Variants in LUZP2 observed in about 807,000 individuals in gnomAD.
The protein encoded by LUZP2 is leucine zipper protein 2.
In LUZP2, 52 loss-of-function variants were observed where a neutral mutation model predicts 51.6. The ratio of observed to expected loss-of-function variants is 1.01; its 90% CI spans 0.81 to 1.27. The LOEUF (loss-of-function observed/expected upper bound fraction) is 1.27. Among genes scored for constraint, LUZP2 ranks in the 50% most tolerant of loss-of-function variants. The pLI, the probability that LUZP2 is intolerant of heterozygous loss-of-function variation, is 0.00. For missense variants in LUZP2, 436 were observed against 395.4 expected (o/e 1.10, Z -0.87); for synonymous variants, 154 against 137.3 (o/e 1.12, Z -0.85).
intron 9 of LUZP2, among the ~76,000 whole-genome samples, chr11:25,024,247 T>A (rs1857420144): frequency 6.6e-6 from 1 of 152,142 alleles, no homozygotes. Flanking sequence ...AAGACAGGGA[T>A]GCCCTCTCTC....
At chr11:24,906,284 GA>G (rs1270289002) in intron 6 of LUZP2, among the ~76,000 whole-genome samples, 6 of 147,920 alleles carry the variant, frequency 4.1e-5, no homozygotes, top group African/African-American at 7.8e-5. Flanking sequence ...CACCTTTGTA[GA>G]TTTTTTTTTT....
chr11:25,076,669 G>A (rs1458703315), intron 10 of LUZP2, among the ~76,000 whole-genome samples: 1 of 149,540 alleles, frequency 6.7e-6, no homozygotes, highest in African/African-American at 2.5e-5. Context: ...GAGGGAAGGA[G>A]GGAGGGAGGG....
intron 5 of LUZP2, among the ~76,000 whole-genome samples, chr11:24,879,604 T>A (rs1852389390): frequency 6.6e-6 from 1 of 152,158 alleles, no homozygotes; most frequent in Admixed American, 6.6e-5. Flanking sequence ...TTTTAATAAT[T>A]GCCATTCTGA....
Position 24,733,858 on chromosome 11 carries a change from A to G in LUZP2, c.251+1670A>G, listed in dbSNP as rs1016880185. ...GAGAATAAACAAAAATAGAAAAACA[A>G]AAATTGATTTCTGCACAATACATGT... On this transcript the variant is annotated intron_variant, in intron 3 of 11. Coordinates refer to ENST00000336930, the MANE Select transcript of LUZP2 (RefSeq NM_001009909.4). Among the ~76,000 whole-genome samples the G allele has an allele frequency of 8.6e-5, 13 of 151,770 alleles. No homozygotes were observed. In the South Asian group the frequency reaches 2.5e-3, roughly 29 times the overall value.
At chr11:24,895,856 G>C (rs1853025382) in intron 5 of LUZP2, among the ~76,000 whole-genome samples, 1 of 152,194 alleles carries the variant, frequency 6.6e-6, no homozygotes, top group East Asian at 1.9e-4. Flanking sequence ...TCTTTGGGCA[G>C]TAATGGGATT....
At chr11:24,645,801 A>G (rs573635528) in intron 1 of LUZP2, among the ~76,000 whole-genome samples, 43 of 152,160 alleles carry the variant, frequency 2.8e-4, no homozygotes, top group Admixed American at 1.2e-3. Context: ...GACAGCTACA[A>G]AAAGTAAACT....
intron 1 of LUZP2, among the ~76,000 whole-genome samples, chr11:24,642,110 G>A (rs909158520): frequency 6.6e-6 from 1 of 151,628 alleles, no homozygotes; most frequent in Non-Finnish European, 1.5e-5. Context: ...GGATGGTCTC[G>A]ATCTCTTGAC....
chr11:25,010,502 CA>C (rs1191092105), intron 9 of LUZP2, among the ~76,000 whole-genome samples: 1 of 152,032 alleles, frequency 6.6e-6, no homozygotes, highest in Non-Finnish European at 1.5e-5. Context: ...GAGCCAAGAT[CA>C]CACCAATGCA....
chr11:24,547,805 C>A (rs1001466797), intron 1 of LUZP2, among the ~76,000 whole-genome samples: 5 of 152,042 alleles, frequency 3.3e-5, no homozygotes, highest in Non-Finnish European at 7.4e-5. Context: ...TAAATATTTG[C>A]AAACTATGCA....
chr11:24,883,738 T>A (rs1331497164), intron 5 of LUZP2, among the ~76,000 whole-genome samples: 3 of 152,012 alleles, frequency 2.0e-5, no homozygotes, highest in Non-Finnish European at 2.9e-5. Flanking sequence ...AATGAAACAG[T>A]TTTTAAAGTT....
chr11:24,588,463 G>T (rs2133836714), intron 1 of LUZP2, among the ~76,000 whole-genome samples: 1 of 152,184 alleles, frequency 6.6e-6, no homozygotes, highest in Admixed American at 6.6e-5. Flanking sequence ...TGATTGCAAA[G>T]AAATGTAGAC....
At chr11:24,826,188 A>ATATATATAT (rs1193136085) in intron 5 of LUZP2, among the ~76,000 whole-genome samples, 21 of 28,038 alleles carry the variant, frequency 7.5e-4, no homozygotes, top group African/African-American at 1.2e-3. Context: ...AAAAAAAAAA[A>ATATATATAT]AAATATATAT....
intron 8 of LUZP2, among the ~76,000 whole-genome samples, chr11:24,981,032 T>C (rs549497721): frequency 6.6e-6 from 1 of 152,056 alleles, no homozygotes; most frequent in African/African-American, 2.4e-5. Context: ...GTTTACATCA[T>C]ATTTCATTAG....
intron 9 of LUZP2, among the ~76,000 whole-genome samples, chr11:25,042,577 C>T (rs1858102547): frequency 2.0e-5 from 3 of 152,010 alleles, no homozygotes; most frequent in African/African-American, 7.3e-5. Context: ...TAACAAATAC[C>T]ACAAACTTGC....
At chr11:24,892,398 G>A (rs1244653306) in intron 5 of LUZP2, 1 of 984,342 alleles carries the variant, frequency 1.0e-6, no homozygotes, top group Non-Finnish European at 1.2e-6. Flanking sequence ...ATTATACCCA[G>A]TGATGTCTCG....
chr11:24,859,274 G>T (rs1851662381), intron 5 of LUZP2, among the ~76,000 whole-genome samples: 1 of 152,080 alleles, frequency 6.6e-6, no homozygotes, highest in African/African-American at 2.4e-5. Flanking sequence ...GAAAGAGTAA[G>T]AAATTGAGCT....
At chr11:25,063,284 G>T (rs1483831508) in intron 10 of LUZP2, among the ~76,000 whole-genome samples, 3 of 151,670 alleles carry the variant, frequency 2.0e-5, no homozygotes, top group African/African-American at 7.3e-5. Flanking sequence ...TTATTTAAGG[G>T]ACTTGAGCAT....
chr11:24,869,927 A>T (rs1008876197), intron 5 of LUZP2, among the ~76,000 whole-genome samples: 1 of 152,194 alleles, frequency 6.6e-6, no homozygotes, highest in Non-Finnish European at 1.5e-5. Flanking sequence ...TAAGAGCTAG[A>T]CTTCTTGCAT....
rs188679982 is a variant in LUZP2 at position 25,016,119 on chromosome 11, A to G, written c.765+32826A>G. 1.7e-3 allele frequency among the ~76,000 whole-genome samples: 264 copies of G among 151,842 alleles called. 6 individuals carry two copies. The East Asian group carries it at 0.046, about 26-fold the overall frequency. ...GCATTTTTAGTAGAGACGGGGTTTCATGGTGTTAGCCAGGATGGTCTCGAT... is the reference window on the plus strand; with the variant it reads ...GCATTTTTAGTAGAGACGGGGTTTCGTGGTGTTAGCCAGGATGGTCTCGAT... On this transcript the variant is annotated intron_variant, in intron 9 of 11. Coordinates refer to ENST00000336930, the MANE Select transcript of LUZP2 (RefSeq NM_001009909.4).
Sources: allele counts gnomAD v4.1 joint callset (sites outside exome capture counted in the v4.1 genomes callset), GRCh38; gene constraint gnomAD v4.1.1; transcripts MANE v1.5; gene names NCBI Gene and HGNC (gene_info 2026-07-23, HGNC 2026-07-21).